HPSE2: variants seen among roughly 807,000 people sequenced by gnomAD.
HPSE2 encodes the protein inactive heparanase-2.
Under a neutral mutation model 60.5 loss-of-function variants are expected in HPSE2, and 38 were observed. The ratio of observed to expected loss-of-function variants is 0.63; its 90% CI spans 0.48 to 0.82. HPSE2 has a LOEUF of 0.82. HPSE2 is among the 40% of genes least tolerant of loss of function. HPSE2 has a pLI of 0.00. For missense variants in HPSE2, 713 were observed against 740.4 expected (o/e 0.96, Z 0.43); for synonymous variants, 295 against 293.2 (o/e 1.01, Z -0.06).
chr10:98,964,341 G>A (rs992285109), intron 3 of HPSE2, among the ~76,000 whole-genome samples: 5 of 152,072 alleles, frequency 3.3e-5, no homozygotes, highest in African/African-American at 1.2e-4. Context: ...TTTATTAAAA[G>A]TGGAATTAAA....
At chr10:98,633,319 C>T (rs1946414109) in intron 7 of HPSE2, among the ~76,000 whole-genome samples, 4 of 152,174 alleles carry the variant, frequency 2.6e-5, no homozygotes, top group African/African-American at 9.7e-5. Flanking sequence ...CCCACCTCAG[C>T]CTCCCAAGTA....
At chr10:99,131,627 T>G (rs897497795) in intron 3 of HPSE2, among the ~76,000 whole-genome samples, 2 of 152,078 alleles carry the variant, frequency 1.3e-5, no homozygotes, top group African/African-American at 4.8e-5. Flanking sequence ...TTATTGTAAG[T>G]GAAGTAACTC....
At chr10:98,710,499 G>A (rs1589685747) in intron 5 of HPSE2, among the ~76,000 whole-genome samples, 1 of 152,160 alleles carries the variant, frequency 6.6e-6, no homozygotes, top group East Asian at 1.9e-4. Flanking sequence ...TAAGATGGGT[G>A]AGACTCTTTG....
intron 6 of HPSE2, among the ~76,000 whole-genome samples, chr10:98,676,116 T>C (rs1947635451): frequency 6.6e-6 from 1 of 151,962 alleles, no homozygotes; most frequent in South Asian, 2.1e-4. Flanking sequence ...TCTTTAACAA[T>C]AGCCCTTTTA....
At chr10:99,275,129 C>T in the HPSE2 span, among the ~76,000 whole-genome samples, 1 of 152,176 alleles carries the variant, frequency 6.6e-6, no homozygotes, top group African/African-American at 2.4e-5. Context: ...CAGTTCCCCC[C>T]AAATCCAGTA....
intron 9 of HPSE2, among the ~76,000 whole-genome samples, chr10:98,605,334 A>G (rs973960275): frequency 1.3e-5 from 2 of 152,206 alleles, no homozygotes; most frequent in African/African-American, 4.8e-5. Context: ...TATGCCACCC[A>G]ACACAGATTG....
intron 3 of HPSE2, among the ~76,000 whole-genome samples, chr10:99,092,311 TAA>T (rs1033880596): frequency 1.6e-4 from 25 of 152,254 alleles, no homozygotes; most frequent in African/African-American, 6.0e-4. Flanking sequence ...TACTAAATAA[TAA>T]GAGTTTACTA....
chr10:98,583,572 A>G (rs1944861717), intron 9 of HPSE2, among the ~76,000 whole-genome samples: 3 of 152,188 alleles, frequency 2.0e-5, no homozygotes, highest in Admixed American at 1.3e-4. Flanking sequence ...CTTTATTTCA[A>G]AATAACGTAT....
intron 2 of HPSE2, among the ~76,000 whole-genome samples, chr10:99,202,139 T>C (rs1848596088): frequency 1.3e-5 from 2 of 152,292 alleles, no homozygotes; most frequent in South Asian, 2.1e-4. Context: ...ATAGATAATA[T>C]AGATATAGAC....
intron 3 of HPSE2, among the ~76,000 whole-genome samples, chr10:99,060,894 A>T (rs1212477768): frequency 1.3e-5 from 2 of 152,098 alleles, no homozygotes; most frequent in East Asian, 3.9e-4. Flanking sequence ...AAAAATTAAA[A>T]CAAATGAATT....
intron 7 of HPSE2, among the ~76,000 whole-genome samples, chr10:98,638,314 G>A (rs566930914): frequency 4.9e-4 from 74 of 149,948 alleles, no homozygotes; most frequent in Non-Finnish European, 9.0e-4. Flanking sequence ...GAGTGGTGGC[G>A]GGCGCCTGTA....
In HPSE2 at chr10:98,512,812, A is replaced by AACACACACACACACACACACACACAC. The variant is rs71007394; in HGVS notation, c.1321-22642_1321-22617dup. On this transcript the variant is annotated intron_variant, in intron 9 of 11. Coordinates refer to ENST00000370552, the MANE Select transcript of HPSE2 (RefSeq NM_021828.5). The stretch of plus-strand genomic sequence containing the variant: ...CAGACCCATTCCACTCCCACCCCCC[A>AACACACACACACACACACACACACAC]ACACACACACACACACACACACACA... 3.9e-3 allele frequency among the ~76,000 whole-genome samples: 480 copies of AACACACACACACACACACACACACAC among 124,608 alleles called. 11 individuals carry two copies. The highest frequency in any genetic ancestry group is 5.8e-3 in the Non-Finnish European group (345 of 59,352). 81.7% of individuals were successfully genotyped at this position (124,608 alleles called of 152,430 possible).
chr10:98,807,157 T>A (rs549201373), intron 3 of HPSE2, among the ~76,000 whole-genome samples: 66 of 152,228 alleles, frequency 4.3e-4, no homozygotes, highest in Non-Finnish European at 8.1e-4. Flanking sequence ...ATTAAAAAAA[T>A]AATAATAATA....
rs534804926 is a variant in HPSE2 at position 99,140,308 on chromosome 10, T to C, written c.610+3930A>G. 7.9e-4 allele frequency among the ~76,000 whole-genome samples: 120 copies of C among 152,278 alleles called. 1 individual carries two copies. Among genetic ancestry groups the C allele is most frequent in the African/African-American group, 2.7e-3 (113 of 41,558 alleles). On this transcript the variant is annotated intron_variant, in intron 3 of 11. Transcript: ENST00000370552. ...GAATGAAGAGGTAGAAAACCAAAAA[T>C]GGCAGCCAACACATGACAAGAATCC... is the stretch of plus-strand genomic sequence containing the variant.
chr10:98,694,061 T>C, intron 5 of HPSE2, 114 bp from the exon 6 acceptor site: 1 of 843,980 alleles, frequency 1.2e-6, no homozygotes, highest in Non-Finnish European at 2.0e-6. Context: ...GTATGCTTTC[T>C]GAGAGGATCC....
chr10:98,685,364 A>G (rs1458271271), intron 6 of HPSE2, among the ~76,000 whole-genome samples: 1 of 152,210 alleles, frequency 6.6e-6, no homozygotes, highest in African/African-American at 2.4e-5. Context: ...ACAAAACCCT[A>G]TCAAAATGCG....
At chr10:99,260,737 A>G in the HPSE2 span, among the ~76,000 whole-genome samples, 133,244 of 151,812 alleles carry the variant, frequency 0.88, 58,698 homozygotes, top group African/African-American at 0.94. Flanking sequence ...CTTTGGGGAC[A>G]CCTGGTTTGG....
intron 3 of HPSE2, among the ~76,000 whole-genome samples, chr10:98,974,716 T>G (rs914786552): frequency 1.3e-5 from 2 of 152,174 alleles, no homozygotes; most frequent in African/African-American, 4.8e-5. Flanking sequence ...CACCAATATA[T>G]TCATCATAAA....
At chr10:98,937,352 C>A (rs1281942299) in intron 3 of HPSE2, among the ~76,000 whole-genome samples, 1 of 144,544 alleles carries the variant, frequency 6.9e-6, no homozygotes, top group Non-Finnish European at 1.5e-5. Flanking sequence ...GGGTGACAGA[C>A]GGCACCTGGA....
Sources: allele counts gnomAD v4.1 joint callset (sites outside exome capture counted in the v4.1 genomes callset), GRCh38; gene constraint gnomAD v4.1.1; transcripts MANE v1.5; gene names NCBI Gene and HGNC (gene_info 2026-07-23, HGNC 2026-07-21).